Variants in DNAH9 observed in about 807,000 individuals in gnomAD.
DNAH9 encodes the protein dynein axonemal heavy chain 9.
DNAH9 carries 345 observed loss-of-function variants against 471.6 expected under a neutral mutation model. The observed-to-expected ratio is 0.73, with a 90% CI of 0.67 to 0.80. The LOEUF is 0.80. Among genes scored for constraint, DNAH9 ranks in the 30% least tolerant of loss-of-function variants. DNAH9 has a pLI of 0.00. For missense variants in DNAH9, 5,407 were observed against 5,609.2 expected (o/e 0.96, Z 1.15); for synonymous variants, 2,093 against 2,123.6 (o/e 0.99, Z 0.40).
At chr17:11,832,705 T>A (rs952387753) in intron 48 of DNAH9, among the ~76,000 whole-genome samples, 2 of 152,270 alleles carry the variant, frequency 1.3e-5, no homozygotes, top group African/African-American at 4.8e-5. Context: ...CAGTTTTATT[T>A]TTCCCCTTGT....
chr17:11,673,738 A>C (rs1316411826), intron 17 of DNAH9, among the ~76,000 whole-genome samples: 1 of 152,086 alleles, frequency 6.6e-6, no homozygotes, highest in African/African-American at 2.4e-5. Flanking sequence ...TAAGAAACAG[A>C]ACATTGGCTA....
chr17:11,798,073 T>C (rs903701771), intron 43 of DNAH9, among the ~76,000 whole-genome samples: 1 of 151,972 alleles, frequency 6.6e-6, no homozygotes, highest in Non-Finnish European at 1.5e-5. Context: ...CTTGAGATCA[T>C]AAAATGGGAC....
chr17:11,627,676 C>T (rs762645762), intron 6 of DNAH9, among the ~76,000 whole-genome samples: 10 of 152,232 alleles, frequency 6.6e-5, no homozygotes, highest in Admixed American at 1.3e-4. Flanking sequence ...AAGTCCCTCC[C>T]TGGTTTTGGC....
intron 26 of DNAH9, 134 bp downstream of exon 26, chr17:11,705,319 G>A: frequency 1.4e-6 from 1 of 724,864 alleles, no homozygotes; most frequent in Non-Finnish European, 2.3e-6. Context: ...ACTCAACACA[G>A]CCTGTTTAAA....
In DNAH9 at chr17:11,937,598, G is replaced by A. The variant is rs1974758279; in HGVS notation, c.12660+76G>A. 5.4e-6 allele frequency: 8 copies of A among 1,484,260 alleles called. No individual in the cohort carries two copies. The highest frequency in any genetic ancestry group is 7.2e-6 in the Non-Finnish European group (8 of 1,109,682). 91.9% of individuals were successfully genotyped at this position (1,484,260 alleles called of 1,614,324 possible). A position where few individuals can be genotyped will look rare whatever the true frequency, so the allele number is the denominator to read the frequency against. ...ATAGATGCACACCTTTCTCCTGCTG[G>A]CCATTTTGGCAGTACACAGCATAGA... On this transcript the variant is annotated intron_variant, in intron 66 of 68. Transcript: ENST00000262442. This position sits in a 1 kb window ranked among gnomAD's most constrained non-coding sequence, Gnocchi z 4.1.
intron 68 of DNAH9, among the ~76,000 whole-genome samples, chr17:11,963,712 G>A (rs1160140254): frequency 6.6e-6 from 1 of 152,076 alleles, no homozygotes; most frequent in African/African-American, 2.4e-5. Context: ...ATTTTGTTGA[G>A]ACATGTTTTA....
chr17:11,926,059 A>AAAAAAAAAAAAAAAAAAAC (rs1974311713), intron 62 of DNAH9, among the ~76,000 whole-genome samples: 1 of 149,548 alleles, frequency 6.7e-6, no homozygotes, highest in Non-Finnish European at 1.5e-5. Flanking sequence ...AAAAAAAAAA[A>AAAAAAAAAAAAAAAAAAAC]AAAGCTGGGG....
At chr17:11,850,341 C>G (rs557118665) in intron 49 of DNAH9, among the ~76,000 whole-genome samples, 15 of 152,288 alleles carry the variant, frequency 9.8e-5, no homozygotes, top group African/African-American at 3.4e-4. Context: ...CTAACAATTC[C>G]TGCCTTCTGA....
At chr17:11,715,455 A>G (rs2074942571) in intron 26 of DNAH9, among the ~76,000 whole-genome samples, 1 of 152,280 alleles carries the variant, frequency 6.6e-6, no homozygotes, top group Non-Finnish European at 1.5e-5. Flanking sequence ...AGAATAGTAA[A>G]CTGTGCCTCA....
chr17:11,667,633 T>C lies in DNAH9; in HGVS notation c.2732-1431T>C, dbSNP rs144165212. 5.6e-3 allele frequency among the ~76,000 whole-genome samples: 850 copies of C among 152,332 alleles called. 8 individuals are homozygous for C. The highest frequency in any genetic ancestry group is 0.019 in the African/African-American group (788 of 41,576). On this transcript the variant is annotated intron_variant, in intron 15 of 68. Coordinates refer to ENST00000262442, the MANE Select transcript of DNAH9 (RefSeq NM_001372.4). Reference sequence around the variant, plus strand: ...GAAAGCAAGAGTCAAAGGTGAGTGTTCCAGTCTTATGGGCAGGTTCCTTCT... The same window carrying C: ...GAAAGCAAGAGTCAAAGGTGAGTGTCCCAGTCTTATGGGCAGGTTCCTTCT...
chr17:11,914,925 C>A (rs1408562408), intron 61 of DNAH9, among the ~76,000 whole-genome samples: 1 of 152,098 alleles, frequency 6.6e-6, no homozygotes, highest in Non-Finnish European at 1.5e-5. Flanking sequence ...TAAATGCCAC[C>A]ACCATTTACC....
chr17:11,752,732 A>C, intron 32 of DNAH9, 101 bp from the exon 33 acceptor site: 1 of 882,604 alleles, frequency 1.1e-6, no homozygotes, highest in Non-Finnish European at 1.7e-6. Flanking sequence ...TGTTCCATGT[A>C]CGCCCCCTTC....
At chr17:11,763,746 T>C in intron 36 of DNAH9, 132 bp downstream of exon 36, 2 of 852,574 alleles carry the variant, frequency 2.3e-6, no homozygotes, top group Middle Eastern at 2.3e-4. Context: ...TATTTAGTCA[T>C]CTACCTATTA....
chr17:11,875,315 C>T (rs1972433506), intron 53 of DNAH9, 131 bp downstream of exon 53: 2 of 717,944 alleles, frequency 2.8e-6, no homozygotes, highest in Non-Finnish European at 2.3e-6. Context: ...TCACGTTTCT[C>T]CGTCCATTTT....
intron 43 of DNAH9, among the ~76,000 whole-genome samples, chr17:11,804,160 G>A (rs560792067): frequency 6.6e-6 from 1 of 152,336 alleles, no homozygotes; most frequent in East Asian, 1.9e-4. Context: ...AGCAAGAGAA[G>A]TGTAAATCTA....
At chr17:11,968,860 A>G (rs1976958506) in intron 68 of DNAH9, among the ~76,000 whole-genome samples, 1 of 152,244 alleles carries the variant, frequency 6.6e-6, no homozygotes, top group Non-Finnish European at 1.5e-5. Context: ...GTTGCATATG[A>G]AATAGAAAAG....
At chr17:11,704,501 C>T (rs1418739168) in intron 25 of DNAH9, 59 bp downstream of exon 25, 2 of 1,572,430 alleles carry the variant, frequency 1.3e-6, no homozygotes, top group South Asian at 2.4e-5. Context: ...GAGAACAGCA[C>T]ATACAGCCAA....
Position 11,653,034 on chromosome 17 carries a change from A to C in DNAH9, c.2595+32A>C, listed in dbSNP as rs369502538. 3 of 1,607,424 alleles carry C rather than the reference A, an allele frequency of 1.9e-6. No individual in the cohort carries two copies. In the African/African-American group the frequency reaches 4.0e-5, roughly 22 times the overall value. Reference sequence around the variant, plus strand: ...ACCCAGCCACTCAGGCGCACATACTACGAGTTTAGGGAAAGCATCAAAAAG... The same window carrying C: ...ACCCAGCCACTCAGGCGCACATACTCCGAGTTTAGGGAAAGCATCAAAAAG... On this transcript the variant is annotated intron_variant, in intron 14 of 68. Transcript: ENST00000262442.
intron 49 of DNAH9, among the ~76,000 whole-genome samples, chr17:11,838,475 G>C (rs1435636914): frequency 1.3e-5 from 2 of 152,186 alleles, no homozygotes; most frequent in Non-Finnish European, 1.5e-5. Context: ...ATAGGGAAGA[G>C]AAACCCCATG....
Sources: gnomAD v4.1 joint callset for allele counts (sites outside exome capture counted in the v4.1 genomes callset) on GRCh38, gnomAD v4.1.1 for gene constraint, Gnocchi (gnomAD v3.1) non-coding constraint, MANE v1.5 for transcripts, NCBI Gene and HGNC (gene_info 2026-07-23, HGNC 2026-07-21) for gene names.